SYMPK: variants seen among roughly 807,000 people sequenced by gnomAD.
The protein encoded by SYMPK is symplekin scaffold protein.
A neutral mutation model predicts 136.4 loss-of-function variants in SYMPK; 49 were observed. The observed-to-expected ratio is 0.36, with a 90% CI of 0.29 to 0.46. The LOEUF is 0.46. Among genes scored for constraint, SYMPK ranks in the 20% least tolerant of loss-of-function variants. SYMPK has a pLI of 1.00. For synonymous variants in SYMPK, 766 were observed against 713.0 expected, an observed-to-expected ratio of 1.07 and a Z score of -1.19; for missense variants, 1,365 against 1,690.0, an observed-to-expected ratio of 0.81 and a Z score of 3.37.
chr19:45,828,864 G>A (rs1325991685), intron 14 of SYMPK, 106 bp downstream of exon 14: 4 of 1,118,832 alleles, frequency 3.6e-6, no homozygotes, highest in African/African-American at 1.5e-5. Context: ...GAGGAGGACT[G>A]ACTCGGGGGG....
chr19:45,854,155 G>A lies in SYMPK; in HGVS notation c.171+20C>T. 6.2e-7 allele frequency: 1 copy of A among 1,613,474 alleles called. No individual in the cohort carries two copies. Among genetic ancestry groups the A allele is most frequent in the Non-Finnish European group, 8.5e-7 (1 of 1,179,416 alleles). ...CCTCCCTTTCACCTGCTCAGCCCAGGATGCCCCCCGGGCCCTCACCTGTTT... is the reference window on the plus strand; with the variant it reads ...CCTCCCTTTCACCTGCTCAGCCCAGAATGCCCCCCGGGCCCTCACCTGTTT... On this transcript the variant is annotated intron_variant, in intron 3 of 26. Transcript: ENST00000245934.
chr19:45,848,529 G>C (rs1467129555), intron 6 of SYMPK, among the ~76,000 whole-genome samples: 1 of 152,208 alleles, frequency 6.6e-6, no homozygotes, highest in Non-Finnish European at 1.5e-5. Flanking sequence ...GGGAATGTCT[G>C]TTGAGTGAAT....
chr19:45,816,392 G>A, intron 25 of SYMPK, 90 bp downstream of exon 25: 10 of 1,480,638 alleles, frequency 6.8e-6, no homozygotes, highest in Non-Finnish European at 9.0e-6. Flanking sequence ...GAGTCTCTCG[G>A]GGTCAGGAGG....
chr19:45,844,872 CAT>C (rs912193491), intron 7 of SYMPK, among the ~76,000 whole-genome samples: 9 of 152,072 alleles, frequency 5.9e-5, no homozygotes, highest in African/African-American at 1.9e-4. Context: ...TAACGAATGC[CAT>C]ATATATGTTT....
chr19:45,852,346 G>A lies in SYMPK; in HGVS notation c.265C>T (p.Arg89Ter). The A allele has an allele frequency of 1.2e-6, 2 of 1,614,202 alleles. No homozygotes were observed. The highest frequency in any genetic ancestry group is 1.7e-6 in the Non-Finnish European group (2 of 1,180,042). Residue 89 changes from arginine (R) to a stop codon, truncating the protein, a stop_gained, in exon 5 of 27, where the codon CGA becomes TGA. Transcript: ENST00000245934. LOFTEE classifies it high-confidence loss of function. ...TCGATGAAGCCGATGACAAATTTTC[G>A]CACTTCGATTGACTTGTCTGCTTGG... ...AFQADKSIEVRKFVIGFIEEA... is the reference protein window; with the variant it reads ...AFQADKSIEV
Position 45,822,992 on chromosome 19 carries a change from G to A in SYMPK, c.2701-146C>T, listed in dbSNP as rs554326086. 16 of 687,594 alleles carry A rather than the reference G, an allele frequency of 2.3e-5. No individual in the cohort carries two copies. In the South Asian group the frequency reaches 2.8e-4, roughly 12 times the overall value. 42.6% of individuals were successfully genotyped at this position (687,594 alleles called of 1,614,324 possible). On this transcript the variant is annotated intron_variant, in intron 20 of 26. Transcript: ENST00000245934. ...CCTCCTACCCTCACCACACCCTCAG[G>A]GCGGAGCTTTCTCCCCAGCTCTCAC...
intron 1 of SYMPK, among the ~76,000 whole-genome samples, chr19:45,861,629 T>C (rs546992146): frequency 1.1e-4 from 16 of 150,704 alleles, no homozygotes; most frequent in Admixed American, 3.3e-4. Context: ...CCCAGCTACC[T>C]GGGAGGCTGA....
chr19:45,831,672 T>A, intron 11 of SYMPK, 84 bp from the exon 12 acceptor site: 2 of 1,193,172 alleles, frequency 1.7e-6, no homozygotes, highest in Non-Finnish European at 2.3e-6. Flanking sequence ...CTGGCTCTGT[T>A]CTGAGCCCTG....
At position 45,818,006 on chromosome 19, in the gene SYMPK, G is replaced by T; in HGVS notation, c.3034C>A (p.Leu1012Met). The change falls in exon 23 of 27, where the codon CTG becomes ATG. Residue 1012 changes from leucine (L) to methionine (M), a missense_variant. By Grantham distance (15) the Leu-to-Met change is conservative (BLOSUM62 2). Transcript: ENST00000245934. Reference sequence around the variant, plus strand: ...AGGATGTTCATGACGAAGCCCCCCAGGCGGGGGTACATGGTCAGGGACTGG... The same window carrying T: ...AGGATGTTCATGACGAAGCCCCCCATGCGGGGGTACATGGTCAGGGACTGG... ...VIQSLTMYPR[L>M]GGFVMNILSR... 1 of 1,581,558 alleles carries T rather than the reference G, an allele frequency of 6.3e-7. No homozygotes were observed. The highest frequency in any genetic ancestry group is 8.6e-7 in the Non-Finnish European group (1 of 1,163,392).
chr19:45,851,559 C>A (rs1315872473), intron 5 of SYMPK, among the ~76,000 whole-genome samples: 1 of 147,258 alleles, frequency 6.8e-6, no homozygotes, highest in Non-Finnish European at 1.5e-5. Flanking sequence ...GCCTGGACAA[C>A]AGAGCAAAAC....
chr19:45,848,977 A>T lies in SYMPK; in HGVS notation c.300-101T>A, dbSNP rs1971631557. Reference sequence around the variant, plus strand: ...GGAAGGGAAATCAGGGACCTGTCTCAGGGGACCGGAATGGCACATCCAGAA... The same window carrying T: ...GGAAGGGAAATCAGGGACCTGTCTCTGGGGACCGGAATGGCACATCCAGAA... On this transcript the variant is annotated intron_variant, in intron 5 of 26. Coordinates refer to ENST00000245934, the MANE Select transcript of SYMPK (RefSeq NM_004819.3). 3 of 1,426,350 alleles carry T rather than the reference A, an allele frequency of 2.1e-6. No individual in the cohort carries two copies. The Admixed American group carries it at 5.3e-5, about 25-fold the overall frequency. 88.4% of individuals were successfully genotyped at this position (1,426,350 alleles called of 1,614,324 possible). A position where few individuals can be genotyped will look rare whatever the true frequency, so the allele number is the denominator to read the frequency against.
chr19:45,823,702 C>A, intron 19 of SYMPK, 65 bp downstream of exon 19: 1 of 1,453,680 alleles, frequency 6.9e-7, no homozygotes, highest in Non-Finnish European at 9.6e-7. Context: ...GCTCAGATCC[C>A]CAGGGCCCGG....
At chr19:45,849,893 A>G (rs539934163) in intron 5 of SYMPK, among the ~76,000 whole-genome samples, 11 of 152,014 alleles carry the variant, frequency 7.2e-5, no homozygotes, top group African/African-American at 2.7e-4. Flanking sequence ...TAAAAATACA[A>G]AATTGGCCGG....
rs916592114 is a variant in SYMPK at position 45,837,339 on chromosome 19, C to T, written c.1242+1122G>A. 1.1e-4 allele frequency among the ~76,000 whole-genome samples: 16 copies of T among 151,932 alleles called. No individual in the cohort carries two copies. The East Asian group carries it at 1.4e-3, about 13-fold the overall frequency. On this transcript the variant is annotated intron_variant, in intron 10 of 26. Coordinates refer to ENST00000245934, the MANE Select transcript of SYMPK (RefSeq NM_004819.3). ...GTGATAAGACAAAAGGTAGAATGGC[C>T]GGGCATGGTGGCTCATGCCTGTAAT...
In SYMPK at chr19:45,827,744, C is replaced by T. The variant is rs1297429205; in HGVS notation, c.2067+93G>A. On this transcript the variant is annotated intron_variant, in intron 15 of 26. Coordinates refer to ENST00000245934, the MANE Select transcript of SYMPK (RefSeq NM_004819.3). Reference sequence around the variant, plus strand: ...AGGGCCCGGTCCCTCACAAAACCCCCGGCCACAAGGTTTAGACTGTGTGCC... The same window carrying T: ...AGGGCCCGGTCCCTCACAAAACCCCTGGCCACAAGGTTTAGACTGTGTGCC... 29 of 1,519,026 alleles carry T rather than the reference C, an allele frequency of 1.9e-5. 1 individual carries two copies. Among genetic ancestry groups the T allele is most frequent in the South Asian group, 5.6e-5 (5 of 88,766 alleles). The allele number at this position is 1,519,026 out of a possible 1,614,324, so 94.1% of individuals were successfully genotyped here. A position where few individuals can be genotyped will look rare whatever the true frequency, so the allele number is the denominator to read the frequency against.
At chr19:45,818,351 C>G (rs1448787524) in intron 22 of SYMPK, among the ~76,000 whole-genome samples, 1 of 152,112 alleles carries the variant, frequency 6.6e-6, no homozygotes, top group African/African-American at 2.4e-5. Flanking sequence ...AGGCTTGGTT[C>G]AAGGGAGAAG....
At chr19:45,862,436 T>C (rs11673373) in intron 1 of SYMPK, 21,692 of 152,226 alleles carry the variant, frequency 0.14, 1,622 homozygotes, top group South Asian at 0.18. Flanking sequence ...TCCGGCGTGA[T>C]TGGCGCTGTG....
Position 45,815,428 on chromosome 19 carries a change from T to G in SYMPK, c.*132A>C. The G allele has an allele frequency of 9.4e-7, 1 of 1,063,234 alleles. No individual in the cohort carries two copies. The highest frequency in any genetic ancestry group is 1.3e-6 in the Non-Finnish European group (1 of 769,884). The allele number at this position is 1,063,234 out of a possible 1,614,324, so 65.9% of individuals were successfully genotyped here. A position where few individuals can be genotyped will look rare whatever the true frequency, so the allele number is the denominator to read the frequency against. ...CGCCCCAGGCCCGCCATCCCTTTTT[T>G]TTTTTCTTTTCAGTAACTTGCCCAA... On this transcript the variant is annotated 3_prime_UTR_variant, in exon 27 of 27. Coordinates refer to ENST00000245934, the MANE Select transcript of SYMPK (RefSeq NM_004819.3).
chr19:45,824,579 C>T (rs1044572740), intron 18 of SYMPK, among the ~76,000 whole-genome samples: 2 of 152,136 alleles, frequency 1.3e-5, no homozygotes, highest in Admixed American at 6.6e-5. Flanking sequence ...TTCTCTCTCC[C>T]GTTTATCACG....
Sources: gnomAD v4.1 joint callset for allele counts (sites outside exome capture counted in the v4.1 genomes callset) on GRCh38, gnomAD v4.1.1 for gene constraint, MANE v1.5 for transcripts, NCBI Gene and HGNC (gene_info 2026-07-23, HGNC 2026-07-21) for gene names.